Variants in ZNF475 observed in about 807,000 individuals in gnomAD.
ZNF475 encodes zinc finger protein 475.
At chr5:122,171,947 C>T in the ZNF475 span, among the ~76,000 whole-genome samples, 3 of 152,084 alleles carry the variant, frequency 2.0e-5, no homozygotes, top group Non-Finnish European at 4.4e-5. Flanking sequence ...CTAGATTGCT[C>T]AGGCTCAGGC....
the ZNF475 span, among the ~76,000 whole-genome samples, chr5:122,164,246 C>T: frequency 2.0e-5 from 3 of 152,134 alleles, no homozygotes; most frequent in East Asian, 3.9e-4. Context: ...AGGGGCAGAA[C>T]AGGCTGCATA....
chr5:122,164,807 C>T, the ZNF475 span, among the ~76,000 whole-genome samples: 1 of 152,140 alleles, frequency 6.6e-6, no homozygotes, highest in Non-Finnish European at 1.5e-5. Context: ...AGAATGCTTC[C>T]TCCACTCAGC....
chr5:122,182,239 G>A, the ZNF475 span, among the ~76,000 whole-genome samples: 2 of 152,132 alleles, frequency 1.3e-5, no homozygotes, highest in African/African-American at 2.4e-5. Flanking sequence ...AGAGTGAAAA[G>A]CCTCTGTCTG....
the ZNF475 span, among the ~76,000 whole-genome samples, chr5:122,180,820 A>T: frequency 6.6e-6 from 1 of 152,198 alleles, no homozygotes; most frequent in Non-Finnish European, 1.5e-5. Context: ...ATCCTGCTAG[A>T]TCCCAGCTAC....
chr5:122,174,531 A>T, the ZNF475 span, among the ~76,000 whole-genome samples: 1 of 152,206 alleles, frequency 6.6e-6, no homozygotes, highest in Non-Finnish European at 1.5e-5. Flanking sequence ...CTGAAGTTCA[A>T]CCACAAATAT....
the ZNF475 span, among the ~76,000 whole-genome samples, chr5:122,176,808 A>G: frequency 1.3e-5 from 2 of 152,156 alleles, no homozygotes; most frequent in African/African-American, 4.8e-5. Context: ...TCATCTATTT[A>G]TCTTGCAACT....
chr5:122,162,056 CA>C, the ZNF475 span, among the ~76,000 whole-genome samples: 1 of 151,652 alleles, frequency 6.6e-6, no homozygotes, highest in African/African-American at 2.4e-5. Context: ...TTTTGGAATT[CA>C]TTCTTTGACC....
At chr5:122,160,312 A>G in the ZNF475 span, 1 of 1,274,600 alleles carries the variant, frequency 7.8e-7, no homozygotes, top group Non-Finnish European at 1.0e-6. Flanking sequence ...AGGCAACCCA[A>G]GGGAATTTGT....
chr5:122,163,772 C>T, the ZNF475 span, among the ~76,000 whole-genome samples: 3 of 152,170 alleles, frequency 2.0e-5, no homozygotes, highest in Non-Finnish European at 4.4e-5. Flanking sequence ...GTAAATGACT[C>T]AAGGATTACC....
the ZNF475 span, among the ~76,000 whole-genome samples, chr5:122,176,075 G>A: frequency 2.0e-5 from 3 of 152,214 alleles, no homozygotes; most frequent in Non-Finnish European, 2.9e-5. Context: ...ACTCTTTGCA[G>A]CATCTGACAA....
the ZNF475 span, among the ~76,000 whole-genome samples, chr5:122,168,866 T>G: frequency 6.7e-6 from 1 of 148,646 alleles, no homozygotes; most frequent in Admixed American, 6.8e-5. Flanking sequence ...TTAACTTGAC[T>G]GATGCAGCTC....
At chr5:122,169,468 G>C in the ZNF475 span, among the ~76,000 whole-genome samples, 12 of 152,272 alleles carry the variant, frequency 7.9e-5, no homozygotes, top group Middle Eastern at 0.014. Context: ...TGAAGGCATG[G>C]AGACAGCAAA....
chr5:122,167,876 G>T, the ZNF475 span, among the ~76,000 whole-genome samples: 1 of 152,102 alleles, frequency 6.6e-6, no homozygotes, highest in Non-Finnish European at 1.5e-5. Flanking sequence ...ATACAATCAT[G>T]CTGTGTGTAC....
the ZNF475 span, among the ~76,000 whole-genome samples, chr5:122,173,969 C>T: frequency 1.3e-5 from 2 of 152,198 alleles, no homozygotes; most frequent in African/African-American, 2.4e-5. Context: ...TCAGACTTAC[C>T]GACTTCCTCT....
At chr5:122,168,563 A>C in the ZNF475 span, among the ~76,000 whole-genome samples, 1 of 152,188 alleles carries the variant, frequency 6.6e-6, no homozygotes, top group Non-Finnish European at 1.5e-5. Flanking sequence ...ATACAAAAAA[A>C]TTAGCCAGGC....
chr5:122,167,603 C>CA, the ZNF475 span, among the ~76,000 whole-genome samples: 1 of 152,290 alleles, frequency 6.6e-6, no homozygotes, highest in East Asian at 1.9e-4. Flanking sequence ...CATGGCAATG[C>CA]AAAAATACTC....
At chr5:122,173,629 T>C in the ZNF475 span, among the ~76,000 whole-genome samples, 4 of 152,170 alleles carry the variant, frequency 2.6e-5, no homozygotes, top group African/African-American at 9.7e-5. Flanking sequence ...GTGTGGAAAA[T>C]AATATGATAA....
chr5:122,174,147 G>T, the ZNF475 span, among the ~76,000 whole-genome samples: 2 of 152,120 alleles, frequency 1.3e-5, no homozygotes, highest in Admixed American at 1.3e-4. Flanking sequence ...GCTAAGAGGG[G>T]GCCTTCTGCT....
At chr5:122,171,103 TA>T in the ZNF475 span, among the ~76,000 whole-genome samples, 1 of 152,056 alleles carries the variant, frequency 6.6e-6, no homozygotes, top group Non-Finnish European at 1.5e-5. Flanking sequence ...TTCCAACTAC[TA>T]GTTTGTTATA....
Sources: allele counts gnomAD v4.1 joint callset (sites outside exome capture counted in the v4.1 genomes callset), GRCh38; gene constraint gnomAD v4.1.1; transcripts MANE v1.5; gene names NCBI Gene and HGNC (gene_info 2026-07-23, HGNC 2026-07-21).